The following TRIP12 variants were observed in gnomAD, a reference collection of about 807,000 sequenced individuals.
TRIP12 encodes the protein thyroid hormone receptor interactor 12.
In TRIP12, 25 loss-of-function variants were observed where a neutral mutation model predicts 244.2. The ratio of observed to expected loss-of-function variants is 0.10; its 90% CI spans 0.07 to 0.14. The LOEUF (loss-of-function observed/expected upper bound fraction) is 0.14. Ranked by LOEUF, TRIP12 falls within the 10% of genes least tolerant of loss-of-function variation. The probability of loss-of-function intolerance (pLI) is 1.00; values close to 1 mark genes in which losing one functional copy is unlikely to be tolerated. For synonymous variants in TRIP12, 905 were observed against 873.1 expected, an observed-to-expected ratio of 1.04 and a Z score of -0.64; for missense variants, 1,677 against 2,486.4, an observed-to-expected ratio of 0.67 and a Z score of 6.92.
intron 24 of TRIP12, 98 bp from the exon 25 acceptor site, chr2:229,796,880 C>T (rs1303353988): frequency 1.5e-5 from 18 of 1,166,842 alleles, no homozygotes; most frequent in African/African-American, 3.1e-5. Context: ...ATATTCTCAA[C>T]GCCCTTAAAA....
At chr2:229,776,454 T>G (rs758132714) in intron 37 of TRIP12, among the ~76,000 whole-genome samples, 1 of 152,146 alleles carries the variant, frequency 6.6e-6, no homozygotes, top group Non-Finnish European at 1.5e-5. Flanking sequence ...CAGACTTACT[T>G]TTTCAAACAG....
chr2:229,768,483 A>G (rs2032775703), intron 41 of TRIP12, 133 bp downstream of exon 41: 2 of 750,338 alleles, frequency 2.7e-6, no homozygotes, highest in Non-Finnish European at 4.4e-6. Context: ...GTCTCAATGT[A>G]CTATAATGAT....
intron 34 of TRIP12, among the ~76,000 whole-genome samples, chr2:229,780,618 A>T (rs2037815091): frequency 6.6e-6 from 1 of 152,104 alleles, no homozygotes; most frequent in Non-Finnish European, 1.5e-5. Context: ...AGCCACACTC[A>T]TCCTCCAACA....
chr2:229,820,530 T>C (rs1242190838), intron 8 of TRIP12, among the ~76,000 whole-genome samples: 2 of 152,222 alleles, frequency 1.3e-5, no homozygotes, highest in African/African-American at 4.8e-5. Context: ...TTATATTTAT[T>C]GATAATTTTA....
intron 1 of TRIP12, among the ~76,000 whole-genome samples, chr2:229,920,793 G>A (rs1038318368): frequency 6.6e-6 from 1 of 152,138 alleles, no homozygotes; most frequent in African/African-American, 2.4e-5. Flanking sequence ...TCTGAGGAAG[G>A]GAGAGACGCC....
intron 15 of TRIP12, 62 bp from the exon 16 acceptor site, chr2:229,808,431 G>T: frequency 9.7e-7 from 1 of 1,034,116 alleles, no homozygotes; most frequent in Non-Finnish European, 1.5e-6. Context: ...CTCATTCAAA[G>T]GCAAACATTG....
At chr2:229,835,637 T>A (rs1285907707) in intron 6 of TRIP12, among the ~76,000 whole-genome samples, 4 of 152,190 alleles carry the variant, frequency 2.6e-5, no homozygotes, top group Non-Finnish European at 5.9e-5. Context: ...AGAATATATG[T>A]AAAGTGCTTA....
chr2:229,906,084 T>C lies in TRIP12; in HGVS notation c.-50+15796A>G, dbSNP rs1005193716. Among the ~76,000 whole-genome samples the C allele has an allele frequency of 2.6e-5, 4 of 151,772 alleles. No homozygotes were observed. The South Asian group carries it at 8.3e-4, about 32-fold the overall frequency. Reference sequence around the variant, plus strand: ...CTTTGGGAGGCCGAGGTGGGCAGATTACCTGAGGTCAGGAGTTTGAAACCA... The same window carrying C: ...CTTTGGGAGGCCGAGGTGGGCAGATCACCTGAGGTCAGGAGTTTGAAACCA... On this transcript the variant is annotated intron_variant, in intron 1 of 41. Transcript: ENST00000675903.
At chr2:229,879,391 A>T (rs1201545237) in intron 2 of TRIP12, among the ~76,000 whole-genome samples, 10 of 152,200 alleles carry the variant, frequency 6.6e-5, no homozygotes, top group Non-Finnish European at 1.3e-4. Context: ...TCTGACTTGG[A>T]GTATTACATT....
At chr2:229,802,972 G>T (rs773792101) in intron 20 of TRIP12, among the ~76,000 whole-genome samples, 2 of 152,176 alleles carry the variant, frequency 1.3e-5, no homozygotes, top group Non-Finnish European at 2.9e-5. Flanking sequence ...AACTTGTGAG[G>T]CAGGGGTTCC....
At chr2:229,830,884 C>A in intron 6 of TRIP12, 45 bp from the exon 7 acceptor site, 1 of 1,583,160 alleles carries the variant, frequency 6.3e-7, no homozygotes, top group Non-Finnish European at 8.6e-7. Flanking sequence ...AGCACTTAAA[C>A]ACATTATGTC....
chr2:229,816,612 G>C (rs761331412), intron 9 of TRIP12, among the ~76,000 whole-genome samples: 1 of 152,130 alleles, frequency 6.6e-6, no homozygotes, highest in Non-Finnish European at 1.5e-5. Context: ...TTAATAGCGA[G>C]AGCATACTTG....
At chr2:229,906,388 GAAA>G (rs796336153) in intron 1 of TRIP12, among the ~76,000 whole-genome samples, 2 of 142,652 alleles carry the variant, frequency 1.4e-5, no homozygotes, top group African/African-American at 5.2e-5. Context: ...ATCTATTTCT[GAAA>G]AAAAAAAAAT....
chr2:229,919,428 G>A (rs1287882317), intron 1 of TRIP12, among the ~76,000 whole-genome samples: 1 of 147,624 alleles, frequency 6.8e-6, no homozygotes, highest in East Asian at 2.0e-4. Flanking sequence ...AAAAAAAAAA[G>A]TTACAATGGG....
rs1279536717 is a variant in TRIP12, at chr2:229,818,397, T to C, written c.1566A>G (p.Gly522=). The C allele has an allele frequency of 1.9e-6, 3 of 1,614,000 alleles. No individual in the cohort carries two copies. In the African/African-American group the frequency reaches 4.0e-5, roughly 22 times the overall value. The change falls in exon 9 of 42, where the codon GGA becomes GGG. Residue 522 remains glycine, a synonymous_variant. Transcript: ENST00000675903. ...GAACAACACTCTTGACAGGAAACCC[T>C]CCCAGTGTCTCCTCATTTCCCATGA... ...LLVMGNEETL[G]GFPVKSVVPA... is the part of the protein sequence containing the mutation.
chr2:229,824,505 T>C (rs370333338), intron 8 of TRIP12, among the ~76,000 whole-genome samples: 2 of 151,990 alleles, frequency 1.3e-5, no homozygotes, highest in East Asian at 3.9e-4. Flanking sequence ...CACTGAAGCC[T>C]TGCCAATAGA....
intron 2 of TRIP12, among the ~76,000 whole-genome samples, chr2:229,873,562 G>C (rs992392333): frequency 6.6e-6 from 1 of 152,170 alleles, no homozygotes; most frequent in African/African-American, 2.4e-5. Flanking sequence ...CACACAGTGT[G>C]ATCTGCCAAA....
intron 1 of TRIP12, among the ~76,000 whole-genome samples, chr2:229,890,157 G>A (rs1017190270): frequency 2.0e-5 from 3 of 148,320 alleles, no homozygotes; most frequent in Admixed American, 6.8e-5. Context: ...TAGGCTCACT[G>A]CAACCTCCGC....
chr2:229,892,338 A>G (rs1377061817), intron 1 of TRIP12, among the ~76,000 whole-genome samples: 1 of 152,170 alleles, frequency 6.6e-6, no homozygotes. Context: ...TTGTTTATAT[A>G]TGTGTAGGAA....
Sources: gnomAD v4.1 joint callset for allele counts (sites outside exome capture counted in the v4.1 genomes callset) on GRCh38, gnomAD v4.1.1 for gene constraint, MANE v1.5 for transcripts, NCBI Gene and HGNC (gene_info 2026-07-23, HGNC 2026-07-21) for gene names.